CHFR: variants seen among roughly 807,000 people sequenced by gnomAD.
CHFR encodes checkpoint with forkhead and ring finger domains, also known as E3 ubiquitin-protein ligase CHFR.
In CHFR, 57 loss-of-function variants were observed where a neutral mutation model predicts 87.6. The observed-to-expected ratio is 0.65, with a 90% CI of 0.53 to 0.81. The LOEUF (loss-of-function observed/expected upper bound fraction) is 0.81. CHFR is among the 30% of genes least tolerant of loss of function. CHFR has a pLI of 0.00. For missense variants in CHFR, 797 were observed against 865.8 expected (o/e 0.92, Z 1.00); for synonymous variants, 381 against 359.2 (o/e 1.06, Z -0.69).
rs375812260 is a variant in CHFR at position 132,853,421 on chromosome 12, C to T, written c.1372+10G>A. Reference sequence around the variant, plus strand: ...CGCGAAGGCTGAGGCCTGAGGGCGGCGCGGCTCACCTGTCGTCAGGCTGAC... The same window carrying T: ...CGCGAAGGCTGAGGCCTGAGGGCGGTGCGGCTCACCTGTCGTCAGGCTGAC... On this transcript the variant is annotated intron_variant, in intron 11 of 17. Transcript: ENST00000450056. 24 of 1,513,564 alleles carry T rather than the reference C, an allele frequency of 1.6e-5. No homozygotes were observed. The Middle Eastern group carries it at 7.4e-4, about 47-fold the overall frequency. The allele number at this position is 1,513,564 out of a possible 1,614,324, so 93.8% of individuals were successfully genotyped here. A position where few individuals can be genotyped will look rare whatever the true frequency, so the allele number is the denominator to read the frequency against.
intron 3 of CHFR, among the ~76,000 whole-genome samples, chr12:132,872,959 C>T (rs971523449): frequency 6.6e-6 from 1 of 152,198 alleles, no homozygotes; most frequent in Admixed American, 6.5e-5. Flanking sequence ...GCAGATGCTG[C>T]TGACCCAGGG....
At chr12:132,881,548 A>G (rs1474707135) in intron 2 of CHFR, among the ~76,000 whole-genome samples, 4 of 152,178 alleles carry the variant, frequency 2.6e-5, no homozygotes, top group Non-Finnish European at 5.9e-5. Context: ...AAATACCACT[A>G]CACACCAAAT....
chr12:132,834,145 G>A lies in CHFR; in HGVS notation c.*7409C>T, dbSNP rs182209111. 165 of 152,430 alleles carry A rather than the reference G, an allele frequency of 1.1e-3. No homozygotes were observed. The highest frequency in any genetic ancestry group is 1.8e-3 in the Non-Finnish European group (123 of 68,156). 9.4% of individuals were successfully genotyped at this position (152,430 alleles called of 1,614,324 possible). ...TGACAGTGGAGAGGGCAGGTCTGCC[G>A]GGCGTACGTGGTGGGCCTGGGGTCC... is the stretch of plus-strand genomic sequence containing the variant. On this transcript the variant is annotated 3_prime_UTR_variant, in exon 18 of 18. Coordinates refer to ENST00000450056, the MANE Select transcript of CHFR (RefSeq NM_001161346.2).
At chr12:132,877,979 T>TACTGA (rs1951668506) in intron 2 of CHFR, among the ~76,000 whole-genome samples, 1 of 152,078 alleles carries the variant, frequency 6.6e-6, no homozygotes, top group Non-Finnish European at 1.5e-5. Context: ...ATTTTTTGTG[T>TACTGA]TTTTAGTAGA....
rs948032029 is a variant in CHFR, at chr12:132,869,884, C to T, written c.404-86G>A. The stretch of plus-strand genomic sequence containing the variant: ...AGCACACAACCAGGGCTCAAGCAGA[C>T]ACTCTAGGGATTGAAATGCTCTTAA... On this transcript the variant is annotated intron_variant, in intron 5 of 17. Coordinates refer to ENST00000450056, the MANE Select transcript of CHFR (RefSeq NM_001161346.2). The T allele has an allele frequency of 2.8e-6, 4 of 1,448,750 alleles. No individual in the cohort carries two copies. In the Admixed American group the frequency reaches 5.9e-5, roughly 21 times the overall value. 89.7% of individuals were successfully genotyped at this position (1,448,750 alleles called of 1,614,324 possible). A position where few individuals can be genotyped will look rare whatever the true frequency, so the allele number is the denominator to read the frequency against.
intron 2 of CHFR, among the ~76,000 whole-genome samples, chr12:132,886,033 C>G (rs1022213834): frequency 1.3e-5 from 2 of 152,208 alleles, no homozygotes; most frequent in African/African-American, 4.8e-5. Context: ...AAAACCAGGT[C>G]AGACACAGTG....
At chr12:132,851,308 C>G (rs1950938028) in intron 12 of CHFR, among the ~76,000 whole-genome samples, 2 of 152,052 alleles carry the variant, frequency 1.3e-5, no homozygotes, top group South Asian at 2.1e-4. Flanking sequence ...TATACTAAAG[C>G]ATCAACATTC....
rs1363005078 is a variant in CHFR, at chr12:132,833,464, C to T, written c.*8090G>A. 1 of 152,200 alleles carries T rather than the reference C, an allele frequency of 6.6e-6. No individual in the cohort carries two copies. The highest frequency in any genetic ancestry group is 6.5e-5 in the Admixed American group (1 of 15,268). The allele number at this position is 152,200 out of a possible 1,614,324, so 9.4% of individuals were successfully genotyped here. On this transcript the variant is annotated 3_prime_UTR_variant, in exon 18 of 18. Coordinates refer to ENST00000450056, the MANE Select transcript of CHFR (RefSeq NM_001161346.2). ...AGGCAGAGGCAACCCTGGGGAGGCT[C>T]GCTGCTATTTCAGGCCGATGGTTGA...
chr12:132,877,825 C>T (rs1049381129), intron 2 of CHFR, among the ~76,000 whole-genome samples, 171 bp from the exon 3 acceptor site: 2 of 150,614 alleles, frequency 1.3e-5, no homozygotes, highest in Non-Finnish European at 3.0e-5. Context: ...TTTCTTGAGA[C>T]GGAGTCTCGC....
At chr12:132,881,030 G>A (rs188988732) in intron 2 of CHFR, among the ~76,000 whole-genome samples, 2 of 152,094 alleles carry the variant, frequency 1.3e-5, no homozygotes, top group East Asian at 3.9e-4. Context: ...ACTTTGGGTG[G>A]CCAAGGCGGG....
intron 2 of CHFR, among the ~76,000 whole-genome samples, chr12:132,884,570 G>A (rs1005687000): frequency 1.7e-4 from 26 of 151,974 alleles, no homozygotes; most frequent in African/African-American, 5.6e-4. Flanking sequence ...TTTGGAAATG[G>A]GGCCTGTGAG....
rs537547964 is a variant in CHFR at position 132,885,360 on chromosome 12, G to A, written c.133+1836C>T. ...CGGGAGGTGGAGCTTGCAGTGGGCC[G>A]AGATCGCGCCACTGCACTCCAGCCT... On this transcript the variant is annotated intron_variant, in intron 2 of 17. Transcript: ENST00000450056. Among the ~76,000 whole-genome samples the A allele has an allele frequency of 1.3e-4, 20 of 151,532 alleles. No homozygotes were observed. The South Asian group carries it at 4.0e-3, about 30-fold the overall frequency.
Position 132,840,560 on chromosome 12 carries a change from A to C in CHFR, c.*994T>G, listed in dbSNP as rs1199546557. The C allele has an allele frequency of 6.6e-6, 1 of 152,666 alleles. No homozygotes were observed. Among genetic ancestry groups the C allele is most frequent in the African/African-American group, 2.4e-5 (1 of 41,482 alleles). 9.5% of individuals were successfully genotyped at this position (152,666 alleles called of 1,614,324 possible). On this transcript the variant is annotated 3_prime_UTR_variant, in exon 18 of 18. Transcript: ENST00000450056. The stretch of plus-strand genomic sequence containing the variant: ...AAAAACTTTTTTTTCCAAAAATCAA[A>C]ATTTCAAGTATTATTCCAGATGACA...
At chr12:132,846,503 C>T (rs1448707767) in intron 15 of CHFR, among the ~76,000 whole-genome samples, 1 of 151,826 alleles carries the variant, frequency 6.6e-6, no homozygotes, top group Non-Finnish European at 1.5e-5. Flanking sequence ...ATCTCTTGAC[C>T]TCATGATCCG....
chr12:132,884,676 T>C (rs1321187705), intron 2 of CHFR, among the ~76,000 whole-genome samples: 2 of 152,020 alleles, frequency 1.3e-5, no homozygotes, highest in African/African-American at 4.8e-5. Flanking sequence ...AGAGTCCCCC[T>C]CTCTGCCATG....
chr12:132,842,631 G>A (rs574477582), intron 17 of CHFR, among the ~76,000 whole-genome samples: 1 of 152,248 alleles, frequency 6.6e-6, no homozygotes, highest in Admixed American at 6.5e-5. Flanking sequence ...TGAGGGTGAC[G>A]ATGTGACAGC....
chr12:132,849,128 T>C (rs544703917), intron 12 of CHFR: 13 of 160,828 alleles, frequency 8.1e-5, no homozygotes, highest in Non-Finnish European at 1.5e-4. Flanking sequence ...TTTTTTATTT[T>C]TGTAGAGACA....
chr12:132,851,714 G>A lies in CHFR; in HGVS notation c.1396C>T (p.Leu466=), dbSNP rs766469365. The A allele has an allele frequency of 6.2e-7, 1 of 1,613,300 alleles. No homozygotes were observed. Among genetic ancestry groups the A allele is most frequent in the South Asian group, 1.1e-5 (1 of 91,066 alleles). The change falls in exon 12 of 18, where the codon CTG becomes TTG. Residue 466 remains leucine, a synonymous_variant. Coordinates refer to ENST00000450056, the MANE Select transcript of CHFR (RefSeq NM_001161346.2). ...TTAVQDYVCP[L]QGSHALCTCC... Reference sequence around the variant, plus strand: ...GTGCACAGGGCGTGGCTTCCTTGCAGAGGGCACACGTAATCCTGGACTGCT... The same window carrying A: ...GTGCACAGGGCGTGGCTTCCTTGCAAAGGGCACACGTAATCCTGGACTGCT...
chr12:132,842,525 T>C (rs1190224730), intron 17 of CHFR, among the ~76,000 whole-genome samples: 3 of 152,232 alleles, frequency 2.0e-5, no homozygotes, highest in African/African-American at 7.2e-5. Flanking sequence ...ATTTACGTGA[T>C]CACCTAACCT....
Sources: allele counts gnomAD v4.1 joint callset (sites outside exome capture counted in the v4.1 genomes callset), GRCh38; gene constraint gnomAD v4.1.1; transcripts MANE v1.5; gene names NCBI Gene and HGNC (gene_info 2026-07-23, HGNC 2026-07-21).